BTBD1: variants seen among roughly 807,000 people sequenced by gnomAD.
The protein encoded by BTBD1 is BTB/POZ domain-containing protein 1.
Under a neutral mutation model 48.0 loss-of-function variants are expected in BTBD1, and 34 were observed. That is an observed-to-expected ratio of 0.71 (90% CI 0.54 to 0.94). The LOEUF (loss-of-function observed/expected upper bound fraction) is 0.94. Ranked by LOEUF, BTBD1 falls within the 40% of genes least tolerant of loss-of-function variation. The pLI, the probability that BTBD1 is intolerant of heterozygous loss-of-function variation, is 0.00. For missense variants in BTBD1, 543 were observed against 625.6 expected, an observed-to-expected ratio of 0.87 and a Z score of 1.41; for synonymous variants, 261 against 242.1, an observed-to-expected ratio of 1.08 and a Z score of -0.72.
At chr15:83,051,875 T>C (rs557561468) in intron 2 of BTBD1, among the ~76,000 whole-genome samples, 9,212 of 43,644 alleles carry the variant, frequency 0.21, 349 homozygotes, top group Non-Finnish European at 0.31. Flanking sequence ...TTTCCATATA[T>C]ATACACACAC....
chr15:83,028,424 G>A (rs66606849), intron 5 of BTBD1, among the ~76,000 whole-genome samples: 19,135 of 152,044 alleles, frequency 0.13, 1,256 homozygotes, highest in Middle Eastern at 0.24. Context: ...GTTATTCTTC[G>A]AAGGTACAGA....
chr15:83,042,180 A>G (rs1386968456), intron 3 of BTBD1, among the ~76,000 whole-genome samples: 2 of 151,790 alleles, frequency 1.3e-5, no homozygotes, highest in African/African-American at 4.8e-5. Flanking sequence ...CTCTCCTTAT[A>G]TATTTATGCC....
At chr15:83,058,390 T>TGA (rs1297942454) in intron 1 of BTBD1, among the ~76,000 whole-genome samples, 1 of 152,130 alleles carries the variant, frequency 6.6e-6, no homozygotes, top group Non-Finnish European at 1.5e-5. Flanking sequence ...TCATTTTAAT[T>TGA]GAGAGAGAGA....
chr15:83,043,187 C>T (rs1596437963), intron 3 of BTBD1, among the ~76,000 whole-genome samples: 1 of 152,156 alleles, frequency 6.6e-6, no homozygotes, highest in South Asian at 2.1e-4. Context: ...AGGCAGGCTT[C>T]ACTTATGCCA....
At chr15:83,018,628 C>CA in intron 7 of BTBD1, 79 bp downstream of exon 7, 3 of 1,494,842 alleles carry the variant, frequency 2.0e-6, no homozygotes, top group Non-Finnish European at 2.7e-6. Flanking sequence ...GCTCAGCTGT[C>CA]AGTGACTCTC....
chr15:83,034,090 C>CAA (rs748026027), intron 4 of BTBD1, among the ~76,000 whole-genome samples: 1,159 of 67,118 alleles, frequency 0.017, 16 homozygotes, highest in African/African-American at 0.056. Flanking sequence ...CTGTCTACAC[C>CAA]AAAAAAAAAA....
rs766900772 is a variant in BTBD1, at chr15:83,067,052, G to C, written c.100C>G (p.Leu34Val). 3.5e-5 allele frequency: 56 copies of C among 1,579,004 alleles called. No individual in the cohort carries two copies. The highest frequency in any genetic ancestry group is 3.9e-5 in the Non-Finnish European group (46 of 1,165,304). ...GPPPPPSPSS[L>V]GPLLPLQREP... ...CGCTGCAGGGGGAGCAGGGGCCCCA[G>C]AGAGGACGGTGAGGGCGGCGGCGGC... The change falls in exon 1 of 8, where the codon CTG (leucine) becomes GTG (valine). Residue 34 changes from leucine to valine, a missense_variant. Transcript: ENST00000261721.
At position 83,066,732 on chromosome 15, in the gene BTBD1, G is replaced by A. The variant is rs2033282626; in HGVS notation, c.401+19C>T. ...GGCCCGGCCCGGCCCGGCCCGGCCC[G>A]GCCCGCGCTGCCGCTCACCTCAGCA... is the stretch of plus-strand genomic sequence containing the variant. On this transcript the variant is annotated intron_variant, in intron 1 of 7. Transcript: ENST00000261721. The A allele has an allele frequency of 3.1e-6, 4 of 1,309,938 alleles. No homozygotes were observed. The highest frequency in any genetic ancestry group is 4.2e-5 in the Admixed American group (1 of 23,618). The allele number at this position is 1,309,938 out of a possible 1,614,324, so 81.1% of individuals were successfully genotyped here. A position where few individuals can be genotyped will look rare whatever the true frequency, so the allele number is the denominator to read the frequency against.
intron 3 of BTBD1, among the ~76,000 whole-genome samples, chr15:83,042,280 A>G (rs1025390560): frequency 1.3e-5 from 2 of 149,768 alleles, no homozygotes; most frequent in African/African-American, 4.9e-5. Flanking sequence ...TCTACAGATT[A>G]TAATTCATTC....
intron 5 of BTBD1, among the ~76,000 whole-genome samples, chr15:83,021,702 C>T (rs1403167177): frequency 6.6e-6 from 1 of 150,778 alleles, no homozygotes; most frequent in Admixed American, 6.6e-5. Flanking sequence ...TGCAGGTGAC[C>T]CGGCACTCCA....
At chr15:83,044,424 T>C (rs184832190) in intron 3 of BTBD1, 2 of 1,580,870 alleles carry the variant, frequency 1.3e-6, no homozygotes, top group Admixed American at 3.4e-5. Context: ...GCAAACGCTT[T>C]GATGAATACA....
rs766229063 is a variant in BTBD1, at chr15:83,017,078, G to T, written c.*989C>A. On this transcript the variant is annotated 3_prime_UTR_variant, in exon 8 of 8. Coordinates refer to ENST00000261721, the MANE Select transcript of BTBD1 (RefSeq NM_025238.4). ...CACAGCTGTAACACTGACTAATGGG[G>T]TCATGACCATGAAGCAAATTTTACT... 2 of 152,646 alleles carry T rather than the reference G, an allele frequency of 1.3e-5. No homozygotes were observed. The highest frequency in any genetic ancestry group is 2.9e-5 in the Non-Finnish European group (2 of 68,046). The allele number at this position is 152,646 out of a possible 1,614,324, so 9.5% of individuals were successfully genotyped here.
Position 83,043,559 on chromosome 15 carries a change from G to A in BTBD1, c.665-1634C>T, listed in dbSNP as rs550198234. Among the ~76,000 whole-genome samples the A allele has an allele frequency of 5.9e-5, 9 of 152,270 alleles. No homozygotes were observed. In the South Asian group the frequency reaches 1.0e-3, roughly 18 times the overall value. On this transcript the variant is annotated intron_variant, in intron 3 of 7. Coordinates refer to ENST00000261721, the MANE Select transcript of BTBD1 (RefSeq NM_025238.4). ...AATATCAGTTGGAGGCTCTTGCATCGATCCAGGTCAGGGATGGTGGCCTGG... is the reference window on the plus strand; with the variant it reads ...AATATCAGTTGGAGGCTCTTGCATCAATCCAGGTCAGGGATGGTGGCCTGG...
At chr15:83,065,618 A>G (rs1297434367) in intron 1 of BTBD1, among the ~76,000 whole-genome samples, 2 of 152,220 alleles carry the variant, frequency 1.3e-5, no homozygotes, top group Non-Finnish European at 2.9e-5. Flanking sequence ...CTACTCAGGC[A>G]GCTATTTAAA....
rs1330075136 is a variant in BTBD1, at chr15:83,050,062, A to G, written c.664+11T>C. 1.3e-6 allele frequency: 2 copies of G among 1,544,728 alleles called. No homozygotes were observed. Among genetic ancestry groups the G allele is most frequent in the Admixed American group, 3.4e-5 (2 of 59,546 alleles). ...CTTAAAATGTAACAATTTACTTCAT[A>G]GCGAACTTACCTATATCAATATCAG... On this transcript the variant is annotated intron_variant, in intron 3 of 7. Coordinates refer to ENST00000261721, the MANE Select transcript of BTBD1 (RefSeq NM_025238.4).
chr15:83,060,444 C>T (rs1162502155), intron 1 of BTBD1, among the ~76,000 whole-genome samples: 1 of 143,084 alleles, frequency 7.0e-6, no homozygotes, highest in Non-Finnish European at 1.5e-5. Flanking sequence ...TATTTTCCCC[C>T]CAAATTAATA....
chr15:83,052,971 T>C (rs1000850761), intron 2 of BTBD1, among the ~76,000 whole-genome samples: 1 of 151,700 alleles, frequency 6.6e-6, no homozygotes, highest in East Asian at 1.9e-4. Flanking sequence ...CAACTATATT[T>C]TTAGTTGGTG....
Position 83,050,068 on chromosome 15 carries a change from C to A in BTBD1, c.664+5G>T. On this transcript the variant is annotated splice_donor_5th_base_variant and intron_variant, in intron 3 of 7. Coordinates refer to ENST00000261721, the MANE Select transcript of BTBD1 (RefSeq NM_025238.4). The stretch of plus-strand genomic sequence containing the variant: ...ATGTAACAATTTACTTCATAGCGAA[C>A]TTACCTATATCAATATCAGTAAACC... 6.3e-7 allele frequency: 1 copy of A among 1,575,064 alleles called. No homozygotes were observed. Among genetic ancestry groups the A allele is most frequent in the Non-Finnish European group, 8.7e-7 (1 of 1,146,514 alleles).
chr15:83,032,526 A>G (rs2151303399), intron 4 of BTBD1, among the ~76,000 whole-genome samples: 1 of 152,294 alleles, frequency 6.6e-6, no homozygotes, highest in Admixed American at 6.5e-5. Flanking sequence ...GTATACATAC[A>G]CCATGGAATA....
Sources: gnomAD v4.1 joint callset for allele counts (sites outside exome capture counted in the v4.1 genomes callset) on GRCh38, gnomAD v4.1.1 for gene constraint, MANE v1.5 for transcripts, NCBI Gene and HGNC (gene_info 2026-07-23, HGNC 2026-07-21) for gene names.